Variants in RPTOR observed in about 807,000 individuals in gnomAD.
RPTOR encodes regulatory-associated protein of mTOR.
RPTOR carries 21 observed loss-of-function variants against 169.9 expected under a neutral mutation model. That is an observed-to-expected ratio of 0.12 (90% CI 0.09 to 0.18). RPTOR has a LOEUF of 0.18. Among genes scored for constraint, RPTOR ranks in the 10% least tolerant of loss-of-function variants. The pLI, the probability that RPTOR is intolerant of heterozygous loss-of-function variation, is 1.00. For synonymous variants in RPTOR, 732 were observed against 753.2 expected (o/e 0.97, Z 0.46); for missense variants, 1,133 against 1,855.9 (o/e 0.61, Z 7.16).
chr17:80,798,334 A>G (rs972887604), intron 7 of RPTOR, among the ~76,000 whole-genome samples: 3 of 152,208 alleles, frequency 2.0e-5, no homozygotes, highest in Admixed American at 1.3e-4. Context: ...TAGGGCACCC[A>G]TGCGTCACAG....
intron 4 of RPTOR, among the ~76,000 whole-genome samples, chr17:80,709,535 C>T (rs1040637017): frequency 1.3e-5 from 2 of 152,232 alleles, no homozygotes. Context: ...TGCCACCGAC[C>T]CCAGGGGCCT....
intron 17 of RPTOR, among the ~76,000 whole-genome samples, chr17:80,888,297 T>G (rs2068273550): frequency 6.6e-6 from 1 of 152,156 alleles, no homozygotes; most frequent in African/African-American, 2.4e-5. Context: ...GTATTTTTTG[T>G]AGAGATGGGG....
chr17:80,769,384 C>G (rs1054066073), intron 6 of RPTOR, among the ~76,000 whole-genome samples: 2 of 152,224 alleles, frequency 1.3e-5, no homozygotes, highest in East Asian at 3.8e-4. Flanking sequence ...GGGCATTAAA[C>G]CTTGCTTTAA....
intron 3 of RPTOR, among the ~76,000 whole-genome samples, chr17:80,661,898 C>T (rs543939155): frequency 3.9e-5 from 6 of 152,162 alleles, no homozygotes; most frequent in South Asian, 4.2e-4. Context: ...ACCAGGGCCT[C>T]GGTAATTCAG....
chr17:80,831,879 G>T (rs1015947366), intron 9 of RPTOR, among the ~76,000 whole-genome samples: 1 of 152,176 alleles, frequency 6.6e-6, no homozygotes, highest in African/African-American at 2.4e-5. Context: ...GTGTATCCCT[G>T]TGTATCACTG....
chr17:80,822,916 TGTGTGTACGTGTGTGTTTAAGC>T (rs2067398168), intron 8 of RPTOR, among the ~76,000 whole-genome samples, 141 bp from the exon 9 acceptor site: 1 of 152,196 alleles, frequency 6.6e-6, no homozygotes, highest in African/African-American at 2.4e-5. Flanking sequence ...TATGTTTAAG[TGTGTGTACGTGTGTGTTTAAGC>T]GTGTGTGTGT....
chr17:80,950,762 G>A (rs985688011), intron 28 of RPTOR, among the ~76,000 whole-genome samples: 5 of 152,168 alleles, frequency 3.3e-5, no homozygotes, highest in African/African-American at 4.8e-5. Flanking sequence ...GCCACTCACC[G>A]GCCATTGTGT....
intron 3 of RPTOR, among the ~76,000 whole-genome samples, chr17:80,692,492 T>C (rs2066001776): frequency 6.6e-6 from 1 of 152,084 alleles, no homozygotes; most frequent in African/African-American, 2.4e-5. Flanking sequence ...CAGCTAATTT[T>C]GTATTTTCAG....
chr17:80,840,703 G>C (rs1385650131), intron 10 of RPTOR, among the ~76,000 whole-genome samples: 5 of 115,492 alleles, frequency 4.3e-5, no homozygotes, highest in African/African-American at 1.7e-4. Flanking sequence ...CTCACCACAC[G>C]GCAGCTCACA....
chr17:80,790,364 C>T (rs746189375), intron 6 of RPTOR, among the ~76,000 whole-genome samples: 32 of 152,218 alleles, frequency 2.1e-4, no homozygotes, highest in Non-Finnish European at 3.7e-4. Flanking sequence ...GTGAGTGTGG[C>T]TGGCAGCCAT....
intron 3 of RPTOR, among the ~76,000 whole-genome samples, chr17:80,702,492 C>T (rs2066109566): frequency 6.6e-6 from 1 of 152,196 alleles, no homozygotes; most frequent in Non-Finnish European, 1.5e-5. Context: ...CAGCTATTAT[C>T]CCTGGCATTC....
At chr17:80,640,244 G>T (rs761954739) in intron 2 of RPTOR, among the ~76,000 whole-genome samples, 2 of 152,268 alleles carry the variant, frequency 1.3e-5, no homozygotes, top group Middle Eastern at 3.4e-3. Context: ...AATTAGAAGA[G>T]AAATGTTTTA....
At chr17:80,691,152 G>A (rs1278058558) in intron 3 of RPTOR, among the ~76,000 whole-genome samples, 2 of 152,120 alleles carry the variant, frequency 1.3e-5, no homozygotes, top group Non-Finnish European at 2.9e-5. Context: ...TCAATTATTT[G>A]GATAGCTCAA....
chr17:80,781,432 T>C (rs554352577), intron 6 of RPTOR, among the ~76,000 whole-genome samples: 1 of 152,188 alleles, frequency 6.6e-6, no homozygotes, highest in African/African-American at 2.4e-5. Flanking sequence ...ACCAACGAGC[T>C]AGGCCTGGTG....
intron 17 of RPTOR, among the ~76,000 whole-genome samples, chr17:80,885,852 A>G (rs2068239985): frequency 6.6e-6 from 1 of 152,236 alleles, no homozygotes; most frequent in Non-Finnish European, 1.5e-5. Flanking sequence ...AAACAGTTTT[A>G]TAAACTTGAA....
At chr17:80,846,408 G>A in intron 10 of RPTOR, 65 bp from the exon 11 acceptor site, 1 of 1,498,052 alleles carries the variant, frequency 6.7e-7, no homozygotes, top group South Asian at 1.1e-5. Flanking sequence ...AGGTGGCAGG[G>A]GTGGGCAAGA....
At chr17:80,698,297 C>T (rs1342654076) in intron 3 of RPTOR, among the ~76,000 whole-genome samples, 3 of 152,100 alleles carry the variant, frequency 2.0e-5, no homozygotes, top group Non-Finnish European at 2.9e-5. Context: ...GAGGGGCTGC[C>T]GCCCCACCCC....
At position 80,665,506 on chromosome 17, in the gene RPTOR, GTCCTTTCCTT is replaced by G. The variant is rs1327653567; in HGVS notation, c.348+21705_348+21714del. On this transcript the variant is annotated intron_variant, in intron 3 of 33. Transcript: ENST00000306801. ...TCCTTTCCTTTCCTTTCCTTTCCAT[GTCCTTTCCTT>G]TCCTTTCCATGTCCTTTCCTTTCCT... Among the ~76,000 whole-genome samples the G allele has an allele frequency of 8.8e-4, 16 of 18,110 alleles. 4 individuals carry two copies. Among genetic ancestry groups the G allele is most frequent in the East Asian group, 1.3e-3 (1 of 754 alleles). 11.9% of individuals were successfully genotyped at this position (18,110 alleles called of 152,430 possible). A position where few individuals can be genotyped will look rare whatever the true frequency, so the allele number is the denominator to read the frequency against.
intron 13 of RPTOR, among the ~76,000 whole-genome samples, chr17:80,859,477 C>T (rs2067893230): frequency 1.3e-5 from 2 of 152,318 alleles, no homozygotes; most frequent in South Asian, 4.1e-4. Flanking sequence ...GAGGGGCACA[C>T]GTGTGTGATA....
Sources: allele counts gnomAD v4.1 joint callset (sites outside exome capture counted in the v4.1 genomes callset), GRCh38; gene constraint gnomAD v4.1.1; transcripts MANE v1.5; gene names NCBI Gene and HGNC (gene_info 2026-07-23, HGNC 2026-07-21).